Variants in ARID4B observed in about 807,000 individuals in gnomAD.
ARID4B encodes AT-rich interactive domain-containing protein 4B.
In ARID4B, 26 loss-of-function variants were observed where a neutral mutation model predicts 147.5. The ratio of observed to expected loss-of-function variants is 0.18; its 90% CI spans 0.13 to 0.24. The LOEUF is 0.24. Ranked by LOEUF, ARID4B falls within the 10% of genes least tolerant of loss-of-function variation. The pLI is 1.00. For synonymous variants in ARID4B, 512 were observed against 507.9 expected, an observed-to-expected ratio of 1.01 and a Z score of -0.11; for missense variants, 1,179 against 1,511.5, an observed-to-expected ratio of 0.78 and a Z score of 3.65.
chr1:235,193,988 A>ATG (rs34768226), intron 19 of ARID4B, 25 bp downstream of exon 19: 698,595 of 1,494,656 alleles, frequency 0.47, 166,189 homozygotes, highest in South Asian at 0.6. Flanking sequence ...AAATACTTGC[A>ATG]CAACAGAACG....
At chr1:235,179,325 G>A (rs1457986782) in intron 20 of ARID4B, among the ~76,000 whole-genome samples, 1 of 151,422 alleles carries the variant, frequency 6.6e-6, no homozygotes, top group African/African-American at 2.4e-5. Flanking sequence ...CCTGAGGTCA[G>A]GAGTTCGTAG....
intron 2 of ARID4B, among the ~76,000 whole-genome samples, chr1:235,269,627 AAT>A (rs1218890432): frequency 1.3e-5 from 2 of 152,166 alleles, no homozygotes; most frequent in African/African-American, 2.4e-5. Context: ...ATATGTATAC[AAT>A]ATATATGTGT....
chr1:235,314,450 C>T (rs1032868024), intron 2 of ARID4B, among the ~76,000 whole-genome samples: 1 of 152,116 alleles, frequency 6.6e-6, no homozygotes, highest in Non-Finnish European at 1.5e-5. Context: ...TTACCCAAAC[C>T]TCAGCAGCCA....
chr1:235,304,769 T>C (rs1673426992), intron 2 of ARID4B, among the ~76,000 whole-genome samples: 1 of 152,164 alleles, frequency 6.6e-6, no homozygotes, highest in Non-Finnish European at 1.5e-5. Context: ...ACCTAGCAGA[T>C]AAGATCAAGC....
rs915135713 is a variant in ARID4B, at chr1:235,193,909, G to A, written c.2125+104C>T. Reference sequence around the variant, plus strand: ...GTAATAAGAGAGCAAACAAAACTCTGGTAGAAAAAACAGTAGTTGGTAATG... The same window carrying A: ...GTAATAAGAGAGCAAACAAAACTCTAGTAGAAAAAACAGTAGTTGGTAATG... On this transcript the variant is annotated intron_variant, in intron 19 of 23. Coordinates refer to ENST00000264183, the MANE Select transcript of ARID4B (RefSeq NM_016374.6). 3 of 794,438 alleles carry A rather than the reference G, an allele frequency of 3.8e-6. No individual in the cohort carries two copies. In the African/African-American group the frequency reaches 5.1e-5, roughly 14 times the overall value. The allele number at this position is 794,438 out of a possible 1,614,324, so 49.2% of individuals were successfully genotyped here.
intron 2 of ARID4B, among the ~76,000 whole-genome samples, chr1:235,272,542 T>C (rs1671057607): frequency 6.6e-6 from 1 of 152,156 alleles, no homozygotes; most frequent in South Asian, 2.1e-4. Flanking sequence ...TGAAAAAGCA[T>C]GAGCTATGGA....
In ARID4B at chr1:235,181,671, G is replaced by T; in HGVS notation, c.3248C>A (p.Ser1083Tyr). 6.2e-7 allele frequency: 1 copy of T among 1,614,014 alleles called. No individual in the cohort carries two copies. Among genetic ancestry groups the T allele is most frequent in the South Asian group, 1.1e-5 (1 of 91,062 alleles). Residue 1083 changes from serine to tyrosine, a missense_variant, in exon 20 of 24, where the codon TCT (serine) becomes TAT (tyrosine). By Grantham distance (144) the Ser-to-Tyr change is moderately radical. Around this residue, in one of 10 missense-constraint regions of ARID4B, gnomAD observed 357 missense variants for 427.3 expected, o/e 0.84. Coordinates refer to ENST00000264183, the MANE Select transcript of ARID4B (RefSeq NM_016374.6). Reference sequence around the variant, plus strand: ...ACCTGCTGGCGAGCTATTCCCTTCAGACTGGAGGTCTTGGAGCTCCCCAGC... The same window carrying T: ...ACCTGCTGGCGAGCTATTCCCTTCATACTGGAGGTCTTGGAGCTCCCCAGC... ...SVAGELQDLQ[S>Y]EGNSSPAGFD...
Position 235,242,242 on chromosome 1 carries a change from C to T in ARID4B, c.447-1791G>A, listed in dbSNP as rs148736827. ...CAGCCTGGGCGACAGAGTGAGACTCCGTCTCAAAAAAAAAAAAAAAGATGT... is the reference window on the plus strand; with the variant it reads ...CAGCCTGGGCGACAGAGTGAGACTCTGTCTCAAAAAAAAAAAAAAAGATGT... On this transcript the variant is annotated intron_variant, in intron 7 of 23. Coordinates refer to ENST00000264183, the MANE Select transcript of ARID4B (RefSeq NM_016374.6). 9.5e-3 allele frequency among the ~76,000 whole-genome samples: 1,145 copies of T among 121,036 alleles called. 15 individuals are homozygous for T. The highest frequency in any genetic ancestry group is 0.033 in the African/African-American group (1,103 of 33,266). The allele number at this position is 121,036 out of a possible 152,430, so 79.4% of individuals were successfully genotyped here.
intron 19 of ARID4B, 52 bp from the exon 20 acceptor site, chr1:235,182,845 G>A: frequency 3.3e-6 from 5 of 1,509,970 alleles, no homozygotes; most frequent in Non-Finnish European, 4.4e-6. Context: ...CACTAGCAAT[G>A]TCTTCTATGT....
chr1:235,236,142 T>A (rs1352124875), intron 8 of ARID4B, among the ~76,000 whole-genome samples: 3 of 152,044 alleles, frequency 2.0e-5, no homozygotes, highest in Non-Finnish European at 4.4e-5. Context: ...ACTCGATTTA[T>A]AAAAATAACA....
chr1:235,281,696 C>G (rs564717722), intron 2 of ARID4B, among the ~76,000 whole-genome samples: 8 of 152,054 alleles, frequency 5.3e-5, no homozygotes, highest in African/African-American at 1.5e-4. Context: ...AGTGACAGAC[C>G]AACAGCCTGC....
chr1:235,325,791 T>G (rs1675188809), intron 2 of ARID4B, among the ~76,000 whole-genome samples: 1 of 152,172 alleles, frequency 6.6e-6, no homozygotes, highest in Non-Finnish European at 1.5e-5. Context: ...AGAGAAAACC[T>G]TAAAAAAATT....
intron 11 of ARID4B, 84 bp downstream of exon 11, chr1:235,229,147 A>G (rs1668040604): frequency 4.1e-6 from 6 of 1,456,584 alleles, no homozygotes; most frequent in Non-Finnish European, 4.6e-6. Context: ...TTATATGAGT[A>G]ATGACTTAAT....
At position 235,196,662 on chromosome 1, in the gene ARID4B, G is replaced by A. The variant is rs1303576384; in HGVS notation, c.1842-547C>T. ...AAGTCAGGAGATCAAGACCATCAAC[G>A]CTAACACGGTGAAACCCCATCTCTA... On this transcript the variant is annotated intron_variant, in intron 17 of 23. Coordinates refer to ENST00000264183, the MANE Select transcript of ARID4B (RefSeq NM_016374.6). Among the ~76,000 whole-genome samples the A allele has an allele frequency of 5.3e-5, 8 of 151,880 alleles. No homozygotes were observed. The East Asian group carries it at 9.7e-4, about 18-fold the overall frequency.
chr1:235,239,022 G>A (rs1377921324), intron 8 of ARID4B, among the ~76,000 whole-genome samples: 7 of 144,260 alleles, frequency 4.9e-5, no homozygotes, highest in African/African-American at 1.3e-4. Context: ...TTGCTCTGTC[G>A]CCCACACTGG....
chr1:235,305,428 T>C (rs947721631), intron 2 of ARID4B, among the ~76,000 whole-genome samples: 6 of 152,190 alleles, frequency 3.9e-5, no homozygotes, highest in African/African-American at 1.2e-4. Flanking sequence ...CACTTCTAAA[T>C]GTTCTGTGTA....
At position 235,257,163 on chromosome 1, in the gene ARID4B, T is replaced by G; in HGVS notation, c.180A>C (p.Leu60=). 6.2e-7 allele frequency: 1 copy of G among 1,604,250 alleles called. No individual in the cohort carries two copies. Among genetic ancestry groups the G allele is most frequent in the Non-Finnish European group, 8.5e-7 (1 of 1,171,182 alleles). The change falls in exon 4 of 24, where the codon CTA becomes CTC. Residue 60 remains leucine (L), a synonymous_variant. Transcript: ENST00000264183. ...EVQDDHIKGP[L]KVGAIVEVKN... is the part of the protein sequence containing the mutation. ...TAACAATGAATACATGAATTACCTTTAGTGGGCCCTTTATGTGGTCATCCT... is the reference window on the plus strand; with the variant it reads ...TAACAATGAATACATGAATTACCTTGAGTGGGCCCTTTATGTGGTCATCCT...
At chr1:235,247,068 A>T (rs1333132061) in intron 6 of ARID4B, among the ~76,000 whole-genome samples, 1 of 152,196 alleles carries the variant, frequency 6.6e-6, no homozygotes, top group Non-Finnish European at 1.5e-5. Flanking sequence ...TTAATTTTTT[A>T]AATTACATTT....
intron 17 of ARID4B, among the ~76,000 whole-genome samples, chr1:235,204,616 A>C (rs1204849400): frequency 6.6e-6 from 1 of 152,264 alleles, no homozygotes. Flanking sequence ...TGTAATAATA[A>C]GAACACTAAT....
Sources: gnomAD v4.1 joint callset for allele counts (sites outside exome capture counted in the v4.1 genomes callset) on GRCh38, gnomAD v4.1.1 for gene constraint, gnomAD v4.1.1 regional missense constraint, MANE v1.5 for transcripts, NCBI Gene and HGNC (gene_info 2026-07-23, HGNC 2026-07-21) for gene names.